PAXBP1: variants seen among roughly 807,000 people sequenced by gnomAD.
The protein encoded by PAXBP1 is PAX3- and PAX7-binding protein 1.
PAXBP1 carries 44 observed loss-of-function variants against 119.9 expected under a neutral mutation model. That is an observed-to-expected ratio of 0.37 (90% CI 0.29 to 0.47). The LOEUF (loss-of-function observed/expected upper bound fraction) is 0.47, where lower values mean the gene tolerates loss of function less well. Among genes scored for constraint, PAXBP1 ranks in the 20% least tolerant of loss-of-function variants. The pLI, the probability that PAXBP1 is intolerant of heterozygous loss-of-function variation, is 0.99. For missense variants in PAXBP1, 898 were observed against 1,134.1 expected, an observed-to-expected ratio of 0.79 and a Z score of 2.99; for synonymous variants, 393 against 406.6, an observed-to-expected ratio of 0.97 and a Z score of 0.40.
chr21:32,744,768 A>T, intron 13 of PAXBP1, 24 bp downstream of exon 13: 1 of 1,527,486 alleles, frequency 6.5e-7, no homozygotes. Context: ...AAAAAAAAAA[A>T]GGCTTCAAAA....
intron 13 of PAXBP1, 100 bp from the exon 14 acceptor site, chr21:32,743,854 T>C: frequency 3.0e-6 from 2 of 671,146 alleles, no homozygotes; most frequent in Non-Finnish European, 5.0e-6. Context: ...CTGAGTGAAC[T>C]AGTTTCTCAA....
chr21:32,750,763 C>CA (rs1414175440), intron 10 of PAXBP1, among the ~76,000 whole-genome samples, 154 bp downstream of exon 10: 1 of 152,042 alleles, frequency 6.6e-6, no homozygotes. Context: ...TCATGATATT[C>CA]ACTAATAAAA....
At position 32,734,829 on chromosome 21, in the gene PAXBP1, TATA is replaced by T. The variant is rs1197299911; in HGVS notation, c.*118_*120del. ...TATCATTTAAGGACACAGTATTGAA[TATA>T]ATGTTTTTTGTATTAAAACAAGAAT... On this transcript the variant is annotated 3_prime_UTR_variant, in exon 18 of 18. Transcript: ENST00000331923. 1.6e-5 allele frequency: 12 copies of T among 740,346 alleles called. No individual in the cohort carries two copies. The Admixed American group carries it at 2.6e-4, about 16-fold the overall frequency. The allele number at this position is 740,346 out of a possible 1,614,324, so 45.9% of individuals were successfully genotyped here.
At chr21:32,769,395 A>T (rs1258063861) in intron 2 of PAXBP1, among the ~76,000 whole-genome samples, 4 of 152,126 alleles carry the variant, frequency 2.6e-5, no homozygotes, top group Non-Finnish European at 5.9e-5. Context: ...GGCATTCCTA[A>T]AAGTTCTCTA....
intron 2 of PAXBP1, among the ~76,000 whole-genome samples, chr21:32,766,244 C>T (rs1283661342): frequency 6.6e-6 from 1 of 152,138 alleles, no homozygotes; most frequent in African/African-American, 2.4e-5. Flanking sequence ...ATGATTCCTA[C>T]AAATTTTAGG....
chr21:32,752,540 T>C (rs1045075466), intron 8 of PAXBP1, among the ~76,000 whole-genome samples: 6 of 152,228 alleles, frequency 3.9e-5, no homozygotes, highest in African/African-American at 7.2e-5. Context: ...TATTTACTGA[T>C]ATCAACAGAG....
chr21:32,746,845 T>C (rs1044352949), intron 11 of PAXBP1, among the ~76,000 whole-genome samples: 4 of 152,106 alleles, frequency 2.6e-5, no homozygotes, highest in African/African-American at 7.2e-5. Flanking sequence ...CAAATGCCCA[T>C]CAATTATAGA....
At chr21:32,742,056 G>A (rs977498225) in intron 15 of PAXBP1, among the ~76,000 whole-genome samples, 1 of 152,150 alleles carries the variant, frequency 6.6e-6, no homozygotes, top group Non-Finnish European at 1.5e-5. Context: ...CTCTTCATAG[G>A]ACATAGACTG....
intron 10 of PAXBP1, among the ~76,000 whole-genome samples, chr21:32,750,104 G>T (rs1183948666): frequency 1.3e-5 from 2 of 151,978 alleles, no homozygotes; most frequent in East Asian, 3.9e-4. Context: ...ATCAGAATAG[G>T]CATCTAACAA....
chr21:32,743,227 A>G (rs2043816091), intron 15 of PAXBP1, 21 bp downstream of exon 15: 3 of 1,552,224 alleles, frequency 1.9e-6, no homozygotes, highest in Middle Eastern at 3.4e-4. Context: ...TGAGTCTTTT[A>G]GATAGTCTAT....
At chr21:32,766,086 A>C (rs192074306) in intron 2 of PAXBP1, among the ~76,000 whole-genome samples, 4 of 152,232 alleles carry the variant, frequency 2.6e-5, no homozygotes, top group Admixed American at 2.0e-4. Flanking sequence ...AGTGAGGTGA[A>C]ATCGCCCCAC....
rs777846377 is a variant in PAXBP1 at position 32,738,229 on chromosome 21, G to T, written c.2425C>A (p.Leu809Ile). The T allele has an allele frequency of 2.8e-5, 45 of 1,602,414 alleles. No individual in the cohort carries two copies. The highest frequency in any genetic ancestry group is 3.8e-5 in the Non-Finnish European group (45 of 1,176,930). The part of the protein sequence containing the change: ...SIDGLLNRYI[L>I]MAFQNSEYGD... ...TATTCTGAATTCTGAAAAGCCATGA[G>T]AATATATCGATTTAATAAACCATCT... Residue 809 changes from leucine (L) to isoleucine (I), a missense_variant, in exon 16 of 18, where the codon CTC (leucine) becomes ATC (isoleucine). By Grantham distance (5) the Leu-to-Ile change is conservative. This residue lies in a region of PAXBP1 where 599 missense variants were observed against 852.7 expected (regional missense o/e 0.70). Transcript: ENST00000331923.
chr21:32,770,611 A>G (rs2044322686), intron 1 of PAXBP1, among the ~76,000 whole-genome samples: 2 of 152,228 alleles, frequency 1.3e-5, no homozygotes, highest in South Asian at 4.1e-4. Flanking sequence ...TGCACATTCA[A>G]ATGGTCAGAA....
rs538336447 is a variant in PAXBP1 at position 32,760,274 on chromosome 21, G to A, written c.976-280C>T. On this transcript the variant is annotated intron_variant, in intron 5 of 17. Transcript: ENST00000331923. ...TTAAGGCCACCTTTGATCAATGAAAGAGGATAAATGCCTTGCCCATGGTCA... is the reference window on the plus strand; with the variant it reads ...TTAAGGCCACCTTTGATCAATGAAAAAGGATAAATGCCTTGCCCATGGTCA... 2.9e-4 allele frequency among the ~76,000 whole-genome samples: 44 copies of A among 152,268 alleles called. No individual in the cohort carries two copies. In the South Asian group the frequency reaches 3.1e-3, roughly 11 times the overall value.
intron 11 of PAXBP1, among the ~76,000 whole-genome samples, chr21:32,746,925 G>A (rs1297657840): frequency 6.6e-6 from 1 of 152,182 alleles, no homozygotes; most frequent in Non-Finnish European, 1.5e-5. Flanking sequence ...ACGAGGTCAT[G>A]TCCTTTGCAG....
chr21:32,763,678 T>C (rs1176347390), intron 3 of PAXBP1, among the ~76,000 whole-genome samples: 1 of 151,676 alleles, frequency 6.6e-6, no homozygotes, highest in Non-Finnish European at 1.5e-5. Context: ...TAAAAAGGAG[T>C]GTGGACATAA....
intron 5 of PAXBP1, among the ~76,000 whole-genome samples, chr21:32,760,413 A>G (rs1282756918): frequency 6.6e-6 from 1 of 152,210 alleles, no homozygotes; most frequent in African/African-American, 2.4e-5. Context: ...ATTCTGCCTC[A>G]AAACACTATT....
intron 7 of PAXBP1, among the ~76,000 whole-genome samples, chr21:32,758,352 C>A (rs1283362040): frequency 1.3e-5 from 2 of 150,528 alleles, no homozygotes. Context: ...GCTGCAAAGT[C>A]CACAAATGCT....
Position 32,762,375 on chromosome 21 carries a change from G to A in PAXBP1, c.650-58C>T. 4 of 1,536,806 alleles carry A rather than the reference G, an allele frequency of 2.6e-6. No individual in the cohort carries two copies. The Admixed American group carries it at 8.3e-5, about 32-fold the overall frequency. On this transcript the variant is annotated intron_variant, in intron 3 of 17. Transcript: ENST00000331923. ...AGAGATGCAAAGTTTCTATTTTCTT[G>A]AAAATATGAAGGGTAAAATAATCCA... is the stretch of plus-strand genomic sequence containing the variant.
Sources: gnomAD v4.1 joint callset for allele counts (sites outside exome capture counted in the v4.1 genomes callset) on GRCh38, gnomAD v4.1.1 for gene constraint, gnomAD v4.1.1 regional missense constraint, MANE v1.5 for transcripts, NCBI Gene and HGNC (gene_info 2026-07-23, HGNC 2026-07-21) for gene names.